The following RAPGEF2 variants were observed in gnomAD, a reference collection of about 807,000 sequenced individuals.
RAPGEF2 encodes the protein Rap guanine nucleotide exchange factor 2.
RAPGEF2 carries 54 observed loss-of-function variants against 186.7 expected under a neutral mutation model. That is an observed-to-expected ratio of 0.29 (90% CI 0.23 to 0.36). The LOEUF (loss-of-function observed/expected upper bound fraction) is 0.36. Among genes scored for constraint, RAPGEF2 ranks in the 10% least tolerant of loss-of-function variants. RAPGEF2 has a pLI of 1.00. For missense variants in RAPGEF2, 1,532 were observed against 2,045.0 expected (o/e 0.75, Z 4.84); for synonymous variants, 712 against 705.9 (o/e 1.01, Z -0.14).
At chr4:159,130,407 A>G (rs1314974485) in intron 1 of RAPGEF2, among the ~76,000 whole-genome samples, 1 of 152,122 alleles carries the variant, frequency 6.6e-6, no homozygotes, top group Non-Finnish European at 1.5e-5. Flanking sequence ...CCTGTCACCT[A>G]GGTGGAATTG....
At chr4:159,357,942 CT>C (rs1347554975) in intron 29 of RAPGEF2, among the ~76,000 whole-genome samples, 171 bp from the exon 30 acceptor site, 2 of 151,630 alleles carry the variant, frequency 1.3e-5, no homozygotes, top group African/African-American at 2.4e-5. Context: ...ACATTTTAAC[CT>C]TTTTGTTGTT....
intron 7 of RAPGEF2, among the ~76,000 whole-genome samples, chr4:159,292,471 A>T (rs6536407): frequency 0.63 from 95,304 of 151,984 alleles, 31,338 homozygotes; most frequent in African/African-American, 0.8. Context: ...ATTACCACTA[A>T]GTGATGTTCT....
intron 7 of RAPGEF2, among the ~76,000 whole-genome samples, chr4:159,250,787 C>T (rs879298330): frequency 6.6e-6 from 1 of 151,578 alleles, no homozygotes; most frequent in Non-Finnish European, 1.5e-5. Context: ...CCCTCGCTTG[C>T]TCTCGGCGCC....
intron 25 of RAPGEF2, among the ~76,000 whole-genome samples, chr4:159,347,808 G>T (rs1240952436): frequency 6.6e-6 from 1 of 152,082 alleles, no homozygotes; most frequent in Non-Finnish European, 1.5e-5. Flanking sequence ...AGAACATCTA[G>T]TAGTTTAGCC....
chr4:159,262,131 C>A (rs905403009), intron 7 of RAPGEF2, among the ~76,000 whole-genome samples: 1 of 152,176 alleles, frequency 6.6e-6, no homozygotes. Flanking sequence ...TGCATTCATT[C>A]TTTGAACAAC....
intron 8 of RAPGEF2, among the ~76,000 whole-genome samples, chr4:159,305,047 G>A (rs995416850): frequency 1.3e-5 from 2 of 152,072 alleles, no homozygotes; most frequent in Non-Finnish European, 2.9e-5. Context: ...GTATTTCATT[G>A]CATATATGTA....
intron 7 of RAPGEF2, among the ~76,000 whole-genome samples, chr4:159,252,805 A>G (rs1024901706): frequency 3.3e-5 from 5 of 152,194 alleles, no homozygotes; most frequent in African/African-American, 1.2e-4. Flanking sequence ...GACTCCTTTA[A>G]ACTTCTAAAA....
chr4:159,342,930 A>G (rs2095474100), intron 20 of RAPGEF2, 49 bp from the exon 21 acceptor site: 5 of 1,483,368 alleles, frequency 3.4e-6, no homozygotes, highest in Non-Finnish European at 4.7e-6. Context: ...AATAATCTGT[A>G]CACTATTTTA....
At chr4:159,308,168 G>A (rs1763534272) in intron 8 of RAPGEF2, among the ~76,000 whole-genome samples, 1 of 152,144 alleles carries the variant, frequency 6.6e-6, no homozygotes. Context: ...TAACATAGTT[G>A]GAGCTTACAG....
chr4:159,235,540 G>A (rs1753162999), intron 4 of RAPGEF2, among the ~76,000 whole-genome samples: 1 of 152,164 alleles, frequency 6.6e-6, no homozygotes, highest in Non-Finnish European at 1.5e-5. Flanking sequence ...CTCTCAAAGT[G>A]TATTTGTTAT....
At chr4:159,112,927 C>T (rs1056838342) in intron 1 of RAPGEF2, among the ~76,000 whole-genome samples, 1 of 152,082 alleles carries the variant, frequency 6.6e-6, no homozygotes, top group African/African-American at 2.4e-5. Context: ...AAGTTAATAT[C>T]ATTAGTAATA....
intron 1 of RAPGEF2, among the ~76,000 whole-genome samples, chr4:159,163,694 T>C (rs1744961666): frequency 6.6e-6 from 1 of 152,220 alleles, no homozygotes; most frequent in South Asian, 2.1e-4. Flanking sequence ...TCTAGTGTAC[T>C]GGAAGAAAAG....
chr4:159,165,439 A>G (rs1352791787), intron 1 of RAPGEF2, among the ~76,000 whole-genome samples: 2 of 152,220 alleles, frequency 1.3e-5, no homozygotes, highest in African/African-American at 2.4e-5. Flanking sequence ...ATATAATTGT[A>G]TGTATATCTA....
intron 1 of RAPGEF2, among the ~76,000 whole-genome samples, chr4:159,142,105 A>G (rs1244980576): frequency 6.6e-6 from 1 of 152,206 alleles, no homozygotes; most frequent in Non-Finnish European, 1.5e-5. Context: ...TATTTAAATA[A>G]TGTTATCTAG....
intron 16 of RAPGEF2, 98 bp from the exon 17 acceptor site, chr4:159,332,353 G>A: frequency 9.3e-6 from 12 of 1,290,684 alleles, no homozygotes; most frequent in Non-Finnish European, 1.2e-5. Context: ...ACTGAAGTCT[G>A]TACTTCTCAT....
intron 1 of RAPGEF2, among the ~76,000 whole-genome samples, chr4:159,124,040 G>C (rs1189972683): frequency 1.3e-5 from 2 of 151,216 alleles, no homozygotes; most frequent in Non-Finnish European, 2.9e-5. Context: ...ATTTTTAGTA[G>C]AGATGGCGTT....
At chr4:159,300,860 T>C (rs555995280) in intron 7 of RAPGEF2, among the ~76,000 whole-genome samples, 1 of 152,326 alleles carries the variant, frequency 6.6e-6, no homozygotes, top group East Asian at 1.9e-4. Context: ...TGGGTTTAAA[T>C]GTGGGCATCT....
At chr4:159,301,433 G>C (rs1248043270) in intron 7 of RAPGEF2, among the ~76,000 whole-genome samples, 2 of 152,096 alleles carry the variant, frequency 1.3e-5, no homozygotes, top group Non-Finnish European at 2.9e-5. Context: ...AAGATTTTAA[G>C]GTTTTTTTGA....
intron 4 of RAPGEF2, among the ~76,000 whole-genome samples, chr4:159,219,473 A>C (rs1260303640): frequency 6.8e-6 from 1 of 146,742 alleles, no homozygotes; most frequent in African/African-American, 2.5e-5. Flanking sequence ...CTCCTGCCTC[A>C]GCCTCCCGAG....
Sources: allele counts gnomAD v4.1 joint callset (sites outside exome capture counted in the v4.1 genomes callset), GRCh38; gene constraint gnomAD v4.1.1; transcripts MANE v1.5; gene names NCBI Gene and HGNC (gene_info 2026-07-23, HGNC 2026-07-21).